The following ZNF185 variants were observed in gnomAD, a reference collection of about 807,000 sequenced individuals.
The protein encoded by ZNF185 is zinc finger protein 185.
Under a neutral mutation model 58.6 loss-of-function variants are expected in ZNF185, and 56 were observed. The ratio of observed to expected loss-of-function variants is 0.95; its 90% confidence interval spans 0.77 to 1.19. The LOEUF (loss-of-function observed/expected upper bound fraction) is 1.19, where lower values mean the gene tolerates loss of function less well. Ranked by LOEUF, ZNF185 falls within the 50% of genes most tolerant of loss-of-function variation. The probability of loss-of-function intolerance (pLI) is 0.00; values close to 1 mark genes in which losing one functional copy is unlikely to be tolerated. For synonymous variants in ZNF185, 230 were observed against 215.9 expected, an observed-to-expected ratio of 1.07 and a Z score of -0.57; for missense variants, 627 against 573.5, an observed-to-expected ratio of 1.09 and a Z score of -0.95.
At chrX:152,958,524 G>C (rs1483687577) in intron 16 of ZNF185, among the ~76,000 whole-genome samples, 2 of 110,997 alleles carry the variant, frequency 1.8e-5, no homozygotes, top group Non-Finnish European at 3.8e-5. Context: ...GAGAGGCCGA[G>C]GCGGGCGGAT....
At chrX:152,918,913 T>C in intron 6 of ZNF185, 70 bp from the exon 8 acceptor site, 1 of 827,386 alleles carries the variant, frequency 1.2e-6, no homozygotes, top group Non-Finnish European at 1.8e-6. Context: ...GTCATTGTTG[T>C]TGAAAGCCAG....
At chrX:152,965,726 T>C (rs186202376) in intron 19 of ZNF185, among the ~76,000 whole-genome samples, 199 bp downstream of exon 21, 52 of 110,478 alleles carry the variant, frequency 4.7e-4, no homozygotes, top group African/African-American at 1.7e-3. Context: ...GGTTCTCCCT[T>C]CCGGTGAATT....
At chrX:152,937,076 G>A (rs2046389019) in intron 14 of ZNF185, among the ~76,000 whole-genome samples, 2 of 111,774 alleles carry the variant, frequency 1.8e-5, no homozygotes, top group African/African-American at 3.3e-5. Context: ...GGTGTGTGGA[G>A]CATTTGGCAA....
Position 152,918,180 on chromosome X carries a change from G to A in ZNF185, c.431+26G>A, listed in dbSNP as rs369425212. ...GTGAGTATGCAACGCCAGGCTCAGCGTGGTTCCCTCCTCCAAGGAACAAGT... is the reference window on the plus strand; with the variant it reads ...GTGAGTATGCAACGCCAGGCTCAGCATGGTTCCCTCCTCCAAGGAACAAGT... On this transcript the variant is annotated intron_variant, in intron 6 of 22. Coordinates refer to ENST00000449285, the Ensembl canonical transcript of ZNF185. 175 of 1,173,133 alleles carry A rather than the reference G, an allele frequency of 1.5e-4. 1 individual carries two copies. The highest frequency in any genetic ancestry group is 1.4e-3 in the Middle Eastern group (6 of 4,332).
At chrX:152,923,708 C>T (rs1477121746) in intron 11 of ZNF185, among the ~76,000 whole-genome samples, 1 of 112,041 alleles carries the variant, frequency 8.9e-6, no homozygotes, top group Non-Finnish European at 1.9e-5. Flanking sequence ...CTAGATCTCT[C>T]ACATGTGCAG....
At chrX:152,937,817 G>C (rs1434542091) in intron 14 of ZNF185, among the ~76,000 whole-genome samples, 2 of 112,246 alleles carry the variant, frequency 1.8e-5, no homozygotes, top group Non-Finnish European at 3.8e-5. Flanking sequence ...AAAACCAGGA[G>C]ACTTCCCCAG....
chrX:152,927,994 C>T (rs930866935), intron 11 of ZNF185, among the ~76,000 whole-genome samples: 11 of 112,699 alleles, frequency 9.8e-5, no homozygotes, highest in African/African-American at 1.3e-4. Context: ...CCTTGCAGTA[C>T]GGCCAGAGAA....
At chrX:152,905,465 G>A in the ZNF185 span, among the ~76,000 whole-genome samples, 1 of 111,916 alleles carries the variant, frequency 8.9e-6, no homozygotes, top group African/African-American at 3.3e-5. Flanking sequence ...AGGGTCTTTC[G>A]TGGGAGGGCC....
intron 11 of ZNF185, among the ~76,000 whole-genome samples, chrX:152,927,229 C>T (rs782122957): frequency 4.4e-5 from 5 of 112,657 alleles, no homozygotes; most frequent in African/African-American, 9.7e-5. Flanking sequence ...ACGATGTCAT[C>T]GTCGTTATCA....
At chrX:152,951,782 C>T (rs1350545086) in intron 16 of ZNF185, among the ~76,000 whole-genome samples, 1 of 111,496 alleles carries the variant, frequency 9.0e-6, no homozygotes, top group Non-Finnish European at 1.9e-5. Flanking sequence ...CAAATGAACA[C>T]ATTTAACAGA....
rs781890135 is a variant in ZNF185, at chrX:152,918,315, C to A, written c.431+161C>A. The A allele has an allele frequency of 1.0e-5, 6 of 602,842 alleles. No individual in the cohort carries two copies. The African/African-American group carries it at 1.1e-4, about 11-fold the overall frequency. The allele number at this position is 602,842 out of a possible 1,213,427, so 49.7% of individuals were successfully genotyped here. ...AGTTGCAGCTGTGGCCTGGAGCCCA[C>A]CAGAGGGTAACAAGCCCCAGAAAAC... On this transcript the variant is annotated intron_variant, in intron 6 of 22. Transcript: ENST00000449285.
intron 14 of ZNF185, among the ~76,000 whole-genome samples, chrX:152,937,656 A>C (rs1244270663): frequency 8.9e-6 from 1 of 112,462 alleles, no homozygotes; most frequent in African/African-American, 3.2e-5. Context: ...AGTGGTTTAG[A>C]GCCAAGTATG....
At chrX:152,957,184 C>A (rs1556905656) in intron 16 of ZNF185, among the ~76,000 whole-genome samples, 2 of 108,518 alleles carry the variant, frequency 1.8e-5, no homozygotes, top group Non-Finnish European at 3.8e-5. Flanking sequence ...TCTCCTGCCT[C>A]AGCCTCTGGA....
chrX:152,908,257 C>T, the ZNF185 span, among the ~76,000 whole-genome samples: 63 of 112,493 alleles, frequency 5.6e-4, 1 homozygote, highest in South Asian at 5.9e-3. Context: ...AGCCTGAGTT[C>T]GCAGAGGAAG....
At chrX:152,904,729 C>A in the ZNF185 span, among the ~76,000 whole-genome samples, 1 of 111,842 alleles carries the variant, frequency 8.9e-6, no homozygotes, top group Non-Finnish European at 1.9e-5. Context: ...ATGGCAGCCT[C>A]CAGGGGGAGT....
intron 17 of ZNF185, among the ~76,000 whole-genome samples, chrX:152,960,446 A>G (rs1326553336): frequency 8.9e-6 from 1 of 112,155 alleles, no homozygotes; most frequent in Non-Finnish European, 1.9e-5. Context: ...GAGAGAGACC[A>G]AGAACCAAGG....
chrX:152,922,620 A>T, intron 10 of ZNF185, 100 bp from the exon 12 acceptor site: 1 of 791,513 alleles, frequency 1.3e-6, no homozygotes, highest in Non-Finnish European at 1.8e-6. Flanking sequence ...TGCCATTGTC[A>T]GACTTGCTCC....
exon 23 of ZNF185, chrX:152,973,256 TTTTAGAACCAAC>T: frequency 8.9e-6 from 1 of 111,806 alleles, no homozygotes; most frequent in Non-Finnish European, 1.9e-5. Context: ...TTTAAGGGAG[TTTTAGAACCAAC>T]ATGCAAGACA....
chrX:152,917,408 G>A, intron 5 of ZNF185, 46 bp downstream of exon 6: 1 of 1,183,196 alleles, frequency 8.5e-7, no homozygotes, highest in Non-Finnish European at 1.1e-6. Context: ...GGAGGTGTGA[G>A]GGCCTGGTCT....
Sources: allele counts gnomAD v4.1 joint callset (sites outside exome capture counted in the v4.1 genomes callset), GRCh38; gene constraint gnomAD v4.1.1; transcripts MANE v1.5; gene names NCBI Gene and HGNC (gene_info 2026-07-23, HGNC 2026-07-21).